DOCK10: variants seen among roughly 807,000 people sequenced by gnomAD.
The protein encoded by DOCK10 is dedicator of cytokinesis protein 10.
DOCK10 carries 145 observed loss-of-function variants against 280.1 expected under a neutral mutation model. The observed-to-expected ratio is 0.52, with a 90% CI of 0.45 to 0.59. DOCK10 has a LOEUF of 0.59. Among genes scored for constraint, DOCK10 ranks in the 20% least tolerant of loss-of-function variants. The probability of loss-of-function intolerance (pLI) is 0.00; values close to 1 mark genes in which losing one functional copy is unlikely to be tolerated. For synonymous variants in DOCK10, 915 were observed against 942.2 expected (o/e 0.97, Z 0.53); for missense variants, 2,368 against 2,651.7 (o/e 0.89, Z 2.35).
Position 224,892,451 on chromosome 2 carries a change from A to G in DOCK10, c.416+3844T>C, listed in dbSNP as rs1320094560. Among the ~76,000 whole-genome samples, 12 of 80,764 alleles carry G rather than the reference A, an allele frequency of 1.5e-4. No homozygotes were observed. In the East Asian group the frequency reaches 2.5e-3, roughly 17 times the overall value. The allele number at this position is 80,764 out of a possible 152,430, so 53.0% of individuals were successfully genotyped here. A position where few individuals can be genotyped will look rare whatever the true frequency, so the allele number is the denominator to read the frequency against. On this transcript the variant is annotated intron_variant, in intron 4 of 55. Coordinates refer to ENST00000258390, the MANE Select transcript of DOCK10 (RefSeq NM_014689.3). ...AGAAAGAAAAGAAAAGAAAAGAAAA[A>G]AATCGAAGAGGAGAAAGAGGAGAAG...
chr2:224,943,324 A>G (rs1350259928), intron 1 of DOCK10, among the ~76,000 whole-genome samples: 1 of 150,950 alleles, frequency 6.6e-6, no homozygotes, highest in Non-Finnish European at 1.5e-5. Flanking sequence ...TCTACATAAA[A>G]TATACAGCTT....
chr2:224,983,529 G>C (rs1227692508), intron 1 of DOCK10: 1 of 230,094 alleles, frequency 4.3e-6, no homozygotes, highest in Non-Finnish European at 9.0e-6. Context: ...GTTTTCTGTG[G>C]TTTCTGGGCT....
In DOCK10 at chr2:224,879,911, CAAAT is replaced by C. The variant is rs376528533; in HGVS notation, c.748-3694_748-3691del. On this transcript the variant is annotated intron_variant, in intron 7 of 55. Transcript: ENST00000258390. ...ATCTCAGTGTTATCTTGAAAACAAA[CAAAT>C]GAAAGAATTTGAGTGATGAATTTGA... 1.4e-3 allele frequency among the ~76,000 whole-genome samples: 208 copies of C among 152,012 alleles called. 2 individuals carry two copies. Among genetic ancestry groups the C allele is most frequent in the African/African-American group, 4.5e-3 (186 of 41,474 alleles).
intron 3 of DOCK10, among the ~76,000 whole-genome samples, chr2:224,902,969 G>C (rs533084570): frequency 6.0e-4 from 91 of 152,044 alleles, no homozygotes; most frequent in African/African-American, 2.2e-3. Flanking sequence ...GTGGTGGCAG[G>C]CGCCTGTAGT....
At chr2:224,888,181 G>A (rs1346926976) in intron 4 of DOCK10, among the ~76,000 whole-genome samples, 1 of 151,594 alleles carries the variant, frequency 6.6e-6, no homozygotes, top group Non-Finnish European at 1.5e-5. Flanking sequence ...ATTGAAAGAG[G>A]AATGGATAAA....
At chr2:224,963,072 C>T (rs988624020) in intron 1 of DOCK10, among the ~76,000 whole-genome samples, 1 of 152,140 alleles carries the variant, frequency 6.6e-6, no homozygotes, top group Non-Finnish European at 1.5e-5. Context: ...AACTGTTGTC[C>T]AAGCTGAGTG....
At chr2:224,947,021 C>A in intron 1 of DOCK10, 1 of 1,465,012 alleles carries the variant, frequency 6.8e-7, no homozygotes. Context: ...TCTTCTGAAG[C>A]GTCACCAGGC....
At position 224,840,064 on chromosome 2, in the gene DOCK10, C is replaced by T; in HGVS notation, c.2670G>A (p.Leu890=). The T allele has an allele frequency of 6.6e-7, 1 of 1,517,180 alleles. No individual in the cohort carries two copies. The highest frequency in any genetic ancestry group is 9.0e-7 in the Non-Finnish European group (1 of 1,115,624). 94.0% of individuals were successfully genotyped at this position (1,517,180 alleles called of 1,614,324 possible). The change falls in exon 24 of 56, where the codon TTG becomes TTA. Residue 890 remains leucine, a synonymous_variant. Transcript: ENST00000258390. Reference sequence around the variant, plus strand: ...TGATTGCATGAATCTTTTCCACATTCAATAAGTTCTGTAGTAAATTGGCAG... The same window carrying T: ...TGATTGCATGAATCTTTTCCACATTTAATAAGTTCTGTAGTAAATTGGCAG... ...SNFIRSCKNL[L]NVEKIHAIMS...
chr2:224,908,625 T>C (rs1349775802), intron 3 of DOCK10, among the ~76,000 whole-genome samples: 2 of 152,110 alleles, frequency 1.3e-5, no homozygotes, highest in Admixed American at 6.6e-5. Context: ...GCCTCCTGAG[T>C]ATTTGGGACT....
chr2:224,956,392 G>T (rs1194432060), intron 1 of DOCK10, among the ~76,000 whole-genome samples: 1 of 152,152 alleles, frequency 6.6e-6, no homozygotes, highest in Non-Finnish European at 1.5e-5. Context: ...GGAGGCCAAA[G>T]GTGGGTGGAT....
chr2:224,802,668 AGC>A (rs1359690382), intron 39 of DOCK10, among the ~76,000 whole-genome samples: 3 of 152,160 alleles, frequency 2.0e-5, no homozygotes, highest in Non-Finnish European at 2.9e-5. Context: ...GGGAAAAATG[AGC>A]CAGTGTTACT....
intron 3 of DOCK10, 95 bp from the exon 4 acceptor site, chr2:224,896,472 T>G (rs1007369993): frequency 2.8e-6 from 2 of 708,200 alleles, no homozygotes; most frequent in Non-Finnish European, 4.5e-6. Context: ...ACTTTGAGAG[T>G]CTGAGGCGGG....
Position 224,845,624 on chromosome 2 carries a change from T to C in DOCK10, c.2254A>G (p.Thr752Ala), listed in dbSNP as rs768097625. 1 of 1,610,810 alleles carries C rather than the reference T, an allele frequency of 6.2e-7. No individual in the cohort carries two copies. Among genetic ancestry groups the C allele is most frequent in the Non-Finnish European group, 8.5e-7 (1 of 1,178,946 alleles). The change falls in exon 20 of 56, where the codon ACA (threonine) becomes GCA (alanine). Residue 752 changes from threonine (T) to alanine (A), a missense_variant. Around this residue, in one of 2 missense-constraint regions of DOCK10, gnomAD observed 1,209 missense variants for 1,250.9 expected, o/e 0.97. Transcript: ENST00000258390. ...ATATGGTGTTTCTCATGGAGTTGTG[T>C]TGGTAGCTCAATTTTCACCTGCAAC... The part of the protein sequence containing the change: ...FSDEVKIELP[T>A]QLHEKHHILF...
At chr2:224,984,789 A>G (rs996670710) in intron 1 of DOCK10, among the ~76,000 whole-genome samples, 1 of 151,924 alleles carries the variant, frequency 6.6e-6, no homozygotes, top group Admixed American at 6.6e-5. Flanking sequence ...GTTGTGGGAG[A>G]CACAGAAACC....
intron 11 of DOCK10, among the ~76,000 whole-genome samples, chr2:224,870,815 ATTTTTTTTTTT>A (rs71410336): frequency 4.0e-4 from 21 of 52,612 alleles, no homozygotes; most frequent in African/African-American, 1.4e-3. Context: ...TGGCCACTCC[ATTTTTTTTTTT>A]TTTTTTTTTT....
chr2:225,014,930 T>C (rs1289820427), intron 1 of DOCK10, among the ~76,000 whole-genome samples: 2 of 152,222 alleles, frequency 1.3e-5, no homozygotes, highest in African/African-American at 2.4e-5. Context: ...AATTCATTCT[T>C]TACCTCTTGA....
chr2:224,918,138 A>G (rs1004006054), intron 2 of DOCK10, among the ~76,000 whole-genome samples: 1 of 152,118 alleles, frequency 6.6e-6, no homozygotes, highest in African/African-American at 2.4e-5. Context: ...TTCTCTTCCA[A>G]TCCTGGACTC....
chr2:224,918,108 G>T (rs528081935), intron 2 of DOCK10, among the ~76,000 whole-genome samples: 1 of 152,120 alleles, frequency 6.6e-6, no homozygotes, highest in Non-Finnish European at 1.5e-5. Flanking sequence ...CACCAAGGGC[G>T]GCGTCCTTCC....
At chr2:224,801,814 A>T in intron 40 of DOCK10, 102 bp downstream of exon 40, 2 of 1,238,162 alleles carry the variant, frequency 1.6e-6, no homozygotes, top group Non-Finnish European at 2.3e-6. Context: ...TCCCAGAGGT[A>T]CAGCAAACCT....
Sources: allele counts gnomAD v4.1 joint callset (sites outside exome capture counted in the v4.1 genomes callset), GRCh38; gene constraint gnomAD v4.1.1; regional missense constraint gnomAD v4.1.1; transcripts MANE v1.5; gene names NCBI Gene and HGNC (gene_info 2026-07-23, HGNC 2026-07-21).